Variants in RASGRP3 observed in about 807,000 individuals in gnomAD.
RASGRP3 encodes the protein RAS guanyl releasing protein 3.
A neutral mutation model predicts 82.7 loss-of-function variants in RASGRP3; 54 were observed. The observed-to-expected ratio is 0.65, with a 90% CI of 0.52 to 0.82. The LOEUF (loss-of-function observed/expected upper bound fraction) is 0.82. RASGRP3 is among the 40% of genes least tolerant of loss of function. RASGRP3 has a pLI of 0.00. For missense variants in RASGRP3, 861 were observed against 828.9 expected, an observed-to-expected ratio of 1.04 and a Z score of -0.48; for synonymous variants, 309 against 300.5, an observed-to-expected ratio of 1.03 and a Z score of -0.29.
intron 1 of RASGRP3, among the ~76,000 whole-genome samples, chr2:33,507,876 T>G (rs145688738): frequency 1.3e-4 from 20 of 152,326 alleles, no homozygotes; most frequent in African/African-American, 4.6e-4. Flanking sequence ...GAGAATAGAT[T>G]GTAGTAAAGA....
intron 2 of RASGRP3, among the ~76,000 whole-genome samples, chr2:33,459,908 C>T (rs983511221): frequency 6.6e-6 from 1 of 152,146 alleles, no homozygotes; most frequent in South Asian, 2.1e-4. Flanking sequence ...AGAATTTGTT[C>T]AAGCCTCTAT....
At chr2:33,535,201 A>ATGGTGTCACATTGGATGGTGTCACATTG (rs1673485018) in intron 11 of RASGRP3, among the ~76,000 whole-genome samples, 2 of 152,246 alleles carry the variant, frequency 1.3e-5, no homozygotes, top group South Asian at 2.1e-4. Flanking sequence ...CTCACTTAAT[A>ATGGTGTCACATTGGATGGTGTCACATTG]GATGGCAGAC....
intron 1 of RASGRP3, among the ~76,000 whole-genome samples, chr2:33,500,307 A>G (rs1168694600): frequency 3.9e-5 from 6 of 152,158 alleles, no homozygotes; most frequent in African/African-American, 1.4e-4. Flanking sequence ...GAGTTCCGCA[A>G]TCAATCTGAT....
chr2:33,557,687 G>A (rs912176672), intron 15 of RASGRP3, among the ~76,000 whole-genome samples: 3 of 150,924 alleles, frequency 2.0e-5, no homozygotes, highest in Non-Finnish European at 2.9e-5. Context: ...TCCAGCCTGG[G>A]CAATAGAGCG....
At chr2:33,511,069 G>C (rs919495364) in intron 1 of RASGRP3, among the ~76,000 whole-genome samples, 2 of 152,056 alleles carry the variant, frequency 1.3e-5, no homozygotes, top group African/African-American at 4.8e-5. Flanking sequence ...AAACTCTATT[G>C]CCCTTTAAAA....
chr2:33,549,206 A>C (rs1412426466), intron 13 of RASGRP3, among the ~76,000 whole-genome samples: 9 of 152,226 alleles, frequency 5.9e-5, no homozygotes, highest in Non-Finnish European at 1.5e-5. Context: ...TGGTCAGCCC[A>C]GTTATTACAG....
chr2:33,510,609 A>G (rs1670842434), intron 1 of RASGRP3, among the ~76,000 whole-genome samples: 1 of 152,174 alleles, frequency 6.6e-6, no homozygotes, highest in Admixed American at 6.5e-5. Flanking sequence ...TCAGGCCTCA[A>G]CTTAAAAGAC....
chr2:33,482,419 A>G (rs17648515), intron 1 of RASGRP3: 7,453 of 152,184 alleles, frequency 0.049, 254 homozygotes, highest in Non-Finnish European at 0.075. Flanking sequence ...ATGTAACGTT[A>G]CCTTTTAGAG....
chr2:33,536,863 C>T (rs905107623), intron 11 of RASGRP3, among the ~76,000 whole-genome samples: 5 of 152,070 alleles, frequency 3.3e-5, no homozygotes, highest in Admixed American at 6.5e-5. Flanking sequence ...GCGTGGGGGC[C>T]GGGGAGAGTG....
At chr2:33,484,608 C>G (rs933086951) in intron 1 of RASGRP3, among the ~76,000 whole-genome samples, 8 of 151,996 alleles carry the variant, frequency 5.3e-5, no homozygotes, top group Non-Finnish European at 1.0e-4. Context: ...TAATCCATTT[C>G]TCTCCCCAGT....
chr2:33,472,739 G>A (rs192686615), upstream of RASGRP3, among the ~76,000 whole-genome samples: 198 of 151,702 alleles, frequency 1.3e-3, no homozygotes, highest in African/African-American at 4.5e-3. Flanking sequence ...GGCAGATCAC[G>A]AGGTCAGGTG....
At chr2:33,452,536 G>A (rs1455572630) in intron 2 of RASGRP3, among the ~76,000 whole-genome samples, 1 of 152,192 alleles carries the variant, frequency 6.6e-6, no homozygotes, top group East Asian at 1.9e-4. Context: ...GTTCATGGGA[G>A]TGAATCTGGA....
chr2:33,490,850 A>C (rs1668783743), intron 1 of RASGRP3, among the ~76,000 whole-genome samples: 1 of 152,236 alleles, frequency 6.6e-6, no homozygotes, highest in Non-Finnish European at 1.5e-5. Context: ...TGGCCTGTTT[A>C]GTTCACTGCC....
At chr2:33,469,960 C>G (rs1666958276) in intron 2 of RASGRP3, among the ~76,000 whole-genome samples, 2 of 152,270 alleles carry the variant, frequency 1.3e-5, no homozygotes, top group South Asian at 4.1e-4. Context: ...ATGTGTATTT[C>G]TGGGCTTTTG....
At chr2:33,495,201 C>A (rs1255301087) in intron 1 of RASGRP3, among the ~76,000 whole-genome samples, 1 of 152,176 alleles carries the variant, frequency 6.6e-6, no homozygotes, top group East Asian at 1.9e-4. Context: ...CAGCAGCAAT[C>A]CCTAACACTT....
chr2:33,508,305 T>C (rs1300811671), intron 1 of RASGRP3, among the ~76,000 whole-genome samples: 2 of 152,186 alleles, frequency 1.3e-5, no homozygotes, highest in African/African-American at 4.8e-5. Flanking sequence ...AGATATCCAT[T>C]ACGGACTTCT....
chr2:33,555,390 G>T (rs1432907789), intron 14 of RASGRP3, 141 bp from the exon 15 acceptor site: 5 of 562,790 alleles, frequency 8.9e-6, no homozygotes, highest in African/African-American at 1.9e-5. Context: ...CTTCTATCTG[G>T]CAGGAAGGGT....
At position 33,509,356 on chromosome 2, in the gene RASGRP3, C is replaced by G. The variant is rs1477800218; in HGVS notation, c.-260-2354C>G. Reference sequence around the variant, plus strand: ...GGCGGAGGTTGCAGTGAGCTGAGATCATGCCACTGCACTCCAGCCTGGGCA... The same window carrying G: ...GGCGGAGGTTGCAGTGAGCTGAGATGATGCCACTGCACTCCAGCCTGGGCA... On this transcript the variant is annotated intron_variant, in intron 1 of 17. Transcript: ENST00000403687. Among the ~76,000 whole-genome samples the G allele has an allele frequency of 7.2e-5, 11 of 151,986 alleles. No homozygotes were observed. In the East Asian group the frequency reaches 2.1e-3, roughly 29 times the overall value.
At chr2:33,498,809 C>T (rs1286557732) in intron 1 of RASGRP3, among the ~76,000 whole-genome samples, 2 of 152,108 alleles carry the variant, frequency 1.3e-5, no homozygotes, top group Non-Finnish European at 2.9e-5. Flanking sequence ...ATCATAACTT[C>T]TGTCCATGTG....
Sources: allele counts gnomAD v4.1 joint callset (sites outside exome capture counted in the v4.1 genomes callset), GRCh38; gene constraint gnomAD v4.1.1; transcripts MANE v1.5; gene names NCBI Gene and HGNC (gene_info 2026-07-23, HGNC 2026-07-21).